Variants in DSCAM observed in about 807,000 individuals in gnomAD.
The protein encoded by DSCAM is cell adhesion molecule DSCAM.
In DSCAM, 47 loss-of-function variants were observed where a neutral mutation model predicts 217.7. The observed-to-expected ratio is 0.22, with a 90% CI of 0.17 to 0.28. The LOEUF is 0.28. Ranked by LOEUF, DSCAM falls within the 10% of genes least tolerant of loss-of-function variation. DSCAM has a pLI of 1.00. For synonymous variants in DSCAM, 1,056 were observed against 1,015.3 expected (o/e 1.04, Z -0.76); for missense variants, 2,080 against 2,618.3 (o/e 0.79, Z 4.49).
At chr21:40,601,263 T>C (rs2077059793) in intron 3 of DSCAM, among the ~76,000 whole-genome samples, 1 of 152,136 alleles carries the variant, frequency 6.6e-6, no homozygotes, top group Admixed American at 6.6e-5. Context: ...TTTAAGTGGG[T>C]TTTTTGGTGC....
intron 3 of DSCAM, among the ~76,000 whole-genome samples, chr21:40,495,938 CAA>C (rs929178909): frequency 2.2e-4 from 33 of 151,766 alleles, no homozygotes; most frequent in African/African-American, 7.5e-4. Context: ...TTACAGCTGC[CAA>C]AAAATAGTAA....
At chr21:40,107,102 G>A (rs1256478678) in intron 20 of DSCAM, among the ~76,000 whole-genome samples, 1 of 152,016 alleles carries the variant, frequency 6.6e-6, no homozygotes, top group Non-Finnish European at 1.5e-5. Flanking sequence ...TTTGACGTGG[G>A]CATTTAGTAC....
chr21:40,472,527 CA>C (rs2075897346), intron 3 of DSCAM, among the ~76,000 whole-genome samples: 1 of 151,992 alleles, frequency 6.6e-6, no homozygotes, highest in Admixed American at 6.6e-5. Context: ...TACTGTTTCC[CA>C]AATGGGAAAA....
intron 11 of DSCAM, among the ~76,000 whole-genome samples, chr21:40,226,677 T>C (rs750256721): frequency 6.6e-5 from 10 of 152,204 alleles, no homozygotes; most frequent in Non-Finnish European, 1.2e-4. Context: ...AACAGCAATA[T>C]AGATCTTTAA....
chr21:40,362,983 C>G (rs766980767), intron 4 of DSCAM, among the ~76,000 whole-genome samples: 2 of 152,104 alleles, frequency 1.3e-5, no homozygotes, highest in Non-Finnish European at 2.9e-5. Flanking sequence ...TGACGAGAGC[C>G]GCTTTATGTT....
At chr21:40,229,263 A>T (rs73904752) in intron 11 of DSCAM, among the ~76,000 whole-genome samples, 1 of 152,364 alleles carries the variant, frequency 6.6e-6, no homozygotes, top group African/African-American at 2.4e-5. Flanking sequence ...TAGTAAAGTT[A>T]TTTAACTCAT....
At chr21:40,151,321 A>G (rs1163858846) in intron 16 of DSCAM, among the ~76,000 whole-genome samples, 14 of 152,060 alleles carry the variant, frequency 9.2e-5, no homozygotes, top group Non-Finnish European at 1.9e-4. Flanking sequence ...TCTTCCCTAG[A>G]CCACTCCCAC....
At chr21:40,142,744 G>A in intron 17 of DSCAM, 40 bp from the exon 18 acceptor site, 1 of 1,562,876 alleles carries the variant, frequency 6.4e-7, no homozygotes, top group Non-Finnish European at 8.7e-7. Flanking sequence ...ACTGTGGGTG[G>A]TTTATGAGCA....
intron 3 of DSCAM, among the ~76,000 whole-genome samples, chr21:40,653,718 T>C (rs2090041508): frequency 6.6e-6 from 1 of 152,216 alleles, no homozygotes; most frequent in Non-Finnish European, 1.5e-5. Flanking sequence ...TTCTACCACC[T>C]GGCATCATGC....
intron 3 of DSCAM, among the ~76,000 whole-genome samples, chr21:40,491,875 CT>C (rs1423616616): frequency 6.6e-6 from 1 of 152,210 alleles, no homozygotes; most frequent in African/African-American, 2.4e-5. Flanking sequence ...TTGCCAACCC[CT>C]ATGCCATCAC....
At chr21:40,609,433 C>G (rs761062767) in intron 3 of DSCAM, among the ~76,000 whole-genome samples, 7 of 152,202 alleles carry the variant, frequency 4.6e-5, no homozygotes, top group Non-Finnish European at 8.8e-5. Flanking sequence ...TCAATTAATA[C>G]CTTTTCATTA....
intron 1 of DSCAM, among the ~76,000 whole-genome samples, chr21:40,726,148 G>A (rs948443524): frequency 1.3e-5 from 2 of 152,134 alleles, no homozygotes; most frequent in Non-Finnish European, 2.9e-5. Context: ...ATTCAAGCAC[G>A]CTAATGCATC....
chr21:40,722,790 A>G (rs919233195), intron 1 of DSCAM, among the ~76,000 whole-genome samples: 1 of 152,116 alleles, frequency 6.6e-6, no homozygotes, highest in Non-Finnish European at 1.5e-5. Flanking sequence ...GAGAAATTCT[A>G]TTATAAAGAA....
chr21:40,039,008 G>A (rs2088687086), intron 32 of DSCAM, among the ~76,000 whole-genome samples: 1 of 128,956 alleles, frequency 7.8e-6, no homozygotes, highest in Non-Finnish European at 1.6e-5. Flanking sequence ...CACACTCTGG[G>A]GACTGTAGTG....
intron 11 of DSCAM, among the ~76,000 whole-genome samples, chr21:40,263,739 A>T (rs116349520): frequency 0.018 from 2,688 of 152,258 alleles, 34 homozygotes; most frequent in Middle Eastern, 0.048. Context: ...GAAACAAAAA[A>T]ATTATAAAAG....
intron 11 of DSCAM, among the ~76,000 whole-genome samples, chr21:40,254,959 T>C (rs2073351746): frequency 6.6e-6 from 1 of 152,096 alleles, no homozygotes; most frequent in Admixed American, 6.6e-5. Context: ...GCTGATATGA[T>C]TAATGTCAAA....
At chr21:40,551,616 C>A (rs948526288) in intron 3 of DSCAM, among the ~76,000 whole-genome samples, 1 of 152,088 alleles carries the variant, frequency 6.6e-6, no homozygotes, top group South Asian at 2.1e-4. Flanking sequence ...AAATTTCCCC[C>A]ACAAAAGACA....
rs190184816 is a variant in DSCAM, at chr21:40,667,059, T to G, written c.508+25751A>C. The stretch of plus-strand genomic sequence containing the variant: ...GCAGCAGGTTGGTGGGATGCCCCAC[T>G]CTCCCGAAGAAGCAGCAGACTTATC... On this transcript the variant is annotated intron_variant, in intron 3 of 32. Transcript: ENST00000400454. Among the ~76,000 whole-genome samples, 5 of 152,252 alleles carry G rather than the reference T, an allele frequency of 3.3e-5. No individual in the cohort carries two copies. In the East Asian group the frequency reaches 5.8e-4, roughly 18 times the overall value.
At position 40,792,137 on chromosome 21, in the gene DSCAM, C is replaced by CTTTTT. The variant is rs67838146; in HGVS notation, c.43+54477_43+54481dup. Among the ~76,000 whole-genome samples, 109 of 118,610 alleles carry CTTTTT rather than the reference C, an allele frequency of 9.2e-4. 1 individual carries two copies. Among genetic ancestry groups the CTTTTT allele is most frequent in the Non-Finnish European group, 1.1e-3 (67 of 60,332 alleles). The allele number at this position is 118,610 out of a possible 152,430, so 77.8% of individuals were successfully genotyped here. A position where few individuals can be genotyped will look rare whatever the true frequency, so the allele number is the denominator to read the frequency against. On this transcript the variant is annotated intron_variant, in intron 1 of 32. Coordinates refer to ENST00000400454, the MANE Select transcript of DSCAM (RefSeq NM_001389.5). ...GGTGTCCTAATCTCTTCTTCTTCTT[C>CTTTTT]TTTTTTTTTTTTTTTTTTTTTGAGA...
Sources: allele counts gnomAD v4.1 joint callset (sites outside exome capture counted in the v4.1 genomes callset), GRCh38; gene constraint gnomAD v4.1.1; transcripts MANE v1.5; gene names NCBI Gene and HGNC (gene_info 2026-07-23, HGNC 2026-07-21).